The following GRAMD1C variants were observed in gnomAD, a reference collection of about 807,000 sequenced individuals.
The protein encoded by GRAMD1C is protein Aster-C.
In GRAMD1C, 89 loss-of-function variants were observed where a neutral mutation model predicts 97.8. That is an observed-to-expected ratio of 0.91 (90% confidence interval 0.77 to 1.09). The LOEUF (loss-of-function observed/expected upper bound fraction) is 1.09. GRAMD1C is among the 50% of genes least tolerant of loss of function. The pLI, the probability that GRAMD1C is intolerant of heterozygous loss-of-function variation, is 0.00. For missense variants in GRAMD1C, 740 were observed against 766.4 expected (o/e 0.97, Z 0.41); for synonymous variants, 256 against 267.0 (o/e 0.96, Z 0.40).
intron 1 of GRAMD1C, among the ~76,000 whole-genome samples, chr3:113,832,351 G>C (rs372634551): frequency 6.6e-6 from 1 of 152,064 alleles, no homozygotes; most frequent in East Asian, 1.9e-4. Flanking sequence ...TTGAAAATCA[G>C]GTTGTACACC....
intron 17 of GRAMD1C, among the ~76,000 whole-genome samples, chr3:113,943,111 T>G (rs1478725729): frequency 1.3e-5 from 2 of 152,222 alleles, no homozygotes; most frequent in Non-Finnish European, 2.9e-5. Flanking sequence ...TTCCACTCAT[T>G]CACTCTTCAG....
chr3:113,919,782 A>C, intron 10 of GRAMD1C: 1 of 606,708 alleles, frequency 1.6e-6, no homozygotes, highest in Non-Finnish European at 3.1e-6. Flanking sequence ...TATCATTTAA[A>C]GCATGTAATT....
At chr3:113,867,640 A>G (rs4682505) in intron 2 of GRAMD1C, among the ~76,000 whole-genome samples, 76,513 of 151,854 alleles carry the variant, frequency 0.5, 19,831 homozygotes, top group Middle Eastern at 0.67. Context: ...TGTTCTCTCC[A>G]TTGTTAATGA....
intron 17 of GRAMD1C, among the ~76,000 whole-genome samples, chr3:113,945,033 G>A (rs1938001624): frequency 6.6e-6 from 1 of 152,180 alleles, no homozygotes; most frequent in African/African-American, 2.4e-5. Flanking sequence ...GAGGATGAGA[G>A]CATGCAAAGG....
At chr3:113,896,173 A>G (rs933255189) in intron 6 of GRAMD1C, among the ~76,000 whole-genome samples, 3 of 152,214 alleles carry the variant, frequency 2.0e-5, no homozygotes, top group African/African-American at 7.2e-5. Flanking sequence ...GGCAAGCTGC[A>G]TCATTCCTCT....
At chr3:113,937,461 T>C (rs1304146200) in intron 14 of GRAMD1C, among the ~76,000 whole-genome samples, 1 of 152,210 alleles carries the variant, frequency 6.6e-6, no homozygotes, top group African/African-American at 2.4e-5. Context: ...TATTTGCTTA[T>C]TGATTATTAG....
intron 10 of GRAMD1C, among the ~76,000 whole-genome samples, chr3:113,921,182 G>A (rs1406714161): frequency 1.3e-5 from 2 of 152,152 alleles, no homozygotes; most frequent in Non-Finnish European, 2.9e-5. Flanking sequence ...TGTTCCTGCA[G>A]TAGTTCGCTC....
At chr3:113,835,882 A>G (rs929576008), upstream of GRAMD1C, among the ~76,000 whole-genome samples, 1 of 152,222 alleles carries the variant, frequency 6.6e-6, no homozygotes, top group Admixed American at 6.5e-5. Flanking sequence ...CAGTTTATGC[A>G]AAGTTTTGCA....
Position 113,936,302 on chromosome 3 carries a change from A to T in GRAMD1C, c.1493A>T (p.Gln498Leu). ...DLLIEESVLN[Q>L]AIEDPGKLTG... ...TTAATTGAAGAATCTGTATTAAATC[A>T]GGCCATTGAAGACCCTGGAAAACTT... Residue 498 changes from glutamine to leucine, a missense_variant, in exon 14 of 18, where the codon CAG (glutamine) becomes CTG (leucine). Transcript: ENST00000358160. 1.2e-6 allele frequency: 2 copies of T among 1,603,992 alleles called. No individual in the cohort carries two copies. The highest frequency in any genetic ancestry group is 1.7e-6 in the Non-Finnish European group (2 of 1,173,040).
At chr3:113,937,275 T>G (rs1347522102) in intron 14 of GRAMD1C, among the ~76,000 whole-genome samples, 1 of 152,228 alleles carries the variant, frequency 6.6e-6, no homozygotes, top group Non-Finnish European at 1.5e-5. Flanking sequence ...GATCTTCCTT[T>G]GAGGCTTGTA....
At chr3:113,837,169 C>T (rs1709646499), upstream of GRAMD1C, among the ~76,000 whole-genome samples, 1 of 151,264 alleles carries the variant, frequency 6.6e-6, no homozygotes, top group Non-Finnish European at 1.5e-5. Flanking sequence ...ATGGGGCCCC[C>T]CTGTTTTGCC....
At chr3:113,843,934 C>T (rs1933491667) in intron 1 of GRAMD1C, among the ~76,000 whole-genome samples, 1 of 152,178 alleles carries the variant, frequency 6.6e-6, no homozygotes, top group South Asian at 2.1e-4. Flanking sequence ...TTCTTTCCTA[C>T]TGGGCATTGC....
intron 2 of GRAMD1C, chr3:113,850,562 G>A (rs535261955): frequency 1.6e-5 from 25 of 1,602,966 alleles, no homozygotes; most frequent in South Asian, 2.2e-5. Flanking sequence ...GTTCCTTCAC[G>A]TAGCCTCAGG....
chr3:113,899,559 T>C (rs948853521), intron 6 of GRAMD1C, among the ~76,000 whole-genome samples: 3 of 152,364 alleles, frequency 2.0e-5, no homozygotes, highest in Middle Eastern at 3.4e-3. Flanking sequence ...TGTTAGGTAC[T>C]AAATAAATAT....
chr3:113,944,547 C>CA (rs1937976394), intron 17 of GRAMD1C, among the ~76,000 whole-genome samples: 1 of 152,190 alleles, frequency 6.6e-6, no homozygotes. Flanking sequence ...TCCTCTAATC[C>CA]AAAACCTAAT....
At chr3:113,927,462 CTGGGCA>C (rs1267066192) in intron 10 of GRAMD1C, among the ~76,000 whole-genome samples, 2 of 152,196 alleles carry the variant, frequency 1.3e-5, no homozygotes, top group African/African-American at 4.8e-5. Context: ...GCTTGCAAAC[CTGGGCA>C]TCTCACTCTC....
In GRAMD1C at chr3:113,901,086, T is replaced by G; in HGVS notation, c.596T>G (p.Leu199Arg). ...QLLQQNYGTE[L>R]GLNAEEMENL... is the part of the protein sequence containing the mutation. ...CTCCAGCAGAACTATGGCACTGAGCTAGGTTTAAATGCTGAGGAGATGGAA... is the reference window on the plus strand; with the variant it reads ...CTCCAGCAGAACTATGGCACTGAGCGAGGTTTAAATGCTGAGGAGATGGAA... Residue 199 changes from leucine to arginine, a missense_variant, in exon 7 of 18, where the codon CTA becomes CGA. Transcript: ENST00000358160. The G allele has an allele frequency of 6.2e-7, 1 of 1,611,646 alleles. No individual in the cohort carries two copies.
At chr3:113,913,767 G>A (rs919569310) in intron 9 of GRAMD1C, among the ~76,000 whole-genome samples, 1 of 152,120 alleles carries the variant, frequency 6.6e-6, no homozygotes, top group Non-Finnish European at 1.5e-5. Flanking sequence ...CTTGTCATAT[G>A]TATTAAATGG....
intron 1 of GRAMD1C, among the ~76,000 whole-genome samples, chr3:113,841,065 A>G (rs921159097): frequency 6.6e-6 from 1 of 152,176 alleles, no homozygotes; most frequent in African/African-American, 2.4e-5. Flanking sequence ...TATTAGCCAA[A>G]TCTATCACAG....
Sources: allele counts gnomAD v4.1 joint callset (sites outside exome capture counted in the v4.1 genomes callset), GRCh38; gene constraint gnomAD v4.1.1; transcripts MANE v1.5; gene names NCBI Gene and HGNC (gene_info 2026-07-23, HGNC 2026-07-21).